Variants in CTDP1 observed in about 807,000 individuals in gnomAD.
The protein encoded by CTDP1 is RNA polymerase II subunit A C-terminal domain phosphatase.
Under a neutral mutation model 91.8 loss-of-function variants are expected in CTDP1, and 47 were observed. The observed-to-expected ratio is 0.51, with a 90% confidence interval of 0.41 to 0.65. The LOEUF is 0.65. CTDP1 is among the 30% of genes least tolerant of loss of function. The pLI, the probability that CTDP1 is intolerant of heterozygous loss-of-function variation, is 0.00. For synonymous variants in CTDP1, 656 were observed against 598.5 expected (o/e 1.10, Z -1.40); for missense variants, 1,272 against 1,373.7 (o/e 0.93, Z 1.17).
Position 79,714,871 on chromosome 18 carries a change from TCCTCCG to T in CTDP1, c.1416_1421del (p.Ala473_Ser474del). ...TGAGTCCGAGGGCACGAAGTCCTCC[TCCTCCG>T]CCTCTGATGGCGAAAGCGAGGGGAA... is the stretch of plus-strand genomic sequence containing the variant. On this transcript the variant is annotated inframe_deletion, in exon 8 of 13. Transcript: ENST00000613122. The T allele has an allele frequency of 6.3e-7, 1 of 1,582,646 alleles. No individual in the cohort carries two copies. The highest frequency in any genetic ancestry group is 1.3e-5 in the African/African-American group (1 of 74,776).
intron 4 of CTDP1, among the ~76,000 whole-genome samples, chr18:79,700,203 A>C (rs545235396): frequency 1.3e-5 from 2 of 152,194 alleles, no homozygotes; most frequent in African/African-American, 4.8e-5. Context: ...TGAGTGTTCA[A>C]GTGGGAGGAA....
intron 12 of CTDP1, chr18:79,749,804 G>A (rs1035792575): frequency 2.0e-5 from 3 of 152,284 alleles, no homozygotes; most frequent in African/African-American, 7.2e-5. Context: ...ACGGAGTGAG[G>A]TGGAGGAAGC....
Position 79,714,569 on chromosome 18 carries a change from G to C in CTDP1, c.1109G>C (p.Gly370Ala). 1 of 1,613,142 alleles carries C rather than the reference G, an allele frequency of 6.2e-7. No individual in the cohort carries two copies. The highest frequency in any genetic ancestry group is 1.1e-5 in the South Asian group (1 of 91,088). Residue 370 changes from glycine to alanine, a missense_variant, in exon 8 of 13, where the codon GGA (glycine) becomes GCA (alanine). Transcript: ENST00000613122. Reference sequence around the variant, plus strand: ...CCTGAGGGGGTAACGCAGGCCCCTGGAGTGGAGCCCAGCAATGGCCTGGAG... The same window carrying C: ...CCTGAGGGGGTAACGCAGGCCCCTGCAGTGGAGCCCAGCAATGGCCTGGAG... ...RDPEGVTQAP[G>A]VEPSNGLEKP...
chr18:79,734,619 C>G (rs562611617), intron 11 of CTDP1, among the ~76,000 whole-genome samples: 5 of 152,078 alleles, frequency 3.3e-5, no homozygotes, highest in African/African-American at 9.7e-5. Flanking sequence ...CGTGGGCTGC[C>G]GTGCTGGCCG....
At chr18:79,714,344 C>G in intron 7 of CTDP1, 147 bp from the exon 8 acceptor site, 1 of 867,544 alleles carries the variant, frequency 1.2e-6, no homozygotes, top group Non-Finnish European at 1.9e-6. Flanking sequence ...CTCACCCTGT[C>G]CGGCCTCTTC....
At chr18:79,734,739 T>C (rs1324170348) in intron 11 of CTDP1, among the ~76,000 whole-genome samples, 1 of 152,248 alleles carries the variant, frequency 6.6e-6, no homozygotes, top group Non-Finnish European at 1.5e-5. Context: ...TATTTCAGAA[T>C]AGAATTTAGT....
At chr18:79,723,948 C>T (rs1162440797) in intron 10 of CTDP1, among the ~76,000 whole-genome samples, 3 of 152,214 alleles carry the variant, frequency 2.0e-5, no homozygotes, top group Admixed American at 1.3e-4. Context: ...CTTGCGGAGC[C>T]GGGTCTCATG....
At chr18:79,686,143 A>G (rs568542026) in intron 1 of CTDP1, among the ~76,000 whole-genome samples, 264 of 152,312 alleles carry the variant, frequency 1.7e-3, no homozygotes, top group Admixed American at 2.9e-3. Flanking sequence ...TCTCCGATCT[A>G]ATCTTTTAGA....
chr18:79,742,181 T>TGAGAGAGA (rs35935192), intron 12 of CTDP1, among the ~76,000 whole-genome samples: 1 of 99,878 alleles, frequency 1.0e-5, no homozygotes, highest in Non-Finnish European at 2.2e-5. Flanking sequence ...GCATGAAGCA[T>TGAGAGAGA]GAGAGAGAGA....
intron 12 of CTDP1, among the ~76,000 whole-genome samples, chr18:79,750,619 G>A (rs548162019): frequency 2.0e-5 from 3 of 148,232 alleles, no homozygotes; most frequent in East Asian, 2.0e-4. Flanking sequence ...CCGGCTTCCC[G>A]AGTAGCTGGG....
intron 12 of CTDP1, 151 bp from the exon 13 acceptor site, chr18:79,753,501 C>T (rs1290697350): frequency 1.7e-6 from 2 of 1,211,300 alleles, no homozygotes; most frequent in Non-Finnish European, 2.4e-6. Flanking sequence ...GTGACGTGGC[C>T]CTGGGTCGGT....
chr18:79,716,089 C>T (rs1409852705), intron 8 of CTDP1, among the ~76,000 whole-genome samples: 1 of 152,214 alleles, frequency 6.6e-6, no homozygotes, highest in Non-Finnish European at 1.5e-5. Context: ...GAAGACTTAA[C>T]ACCCCGGTGC....
intron 1 of CTDP1, among the ~76,000 whole-genome samples, chr18:79,686,363 C>T (rs1431068517): frequency 6.6e-6 from 1 of 152,102 alleles, no homozygotes; most frequent in Non-Finnish European, 1.5e-5. Context: ...AAACGGAAAA[C>T]AAGCGATGTA....
rs1403055370 is a variant in CTDP1 at position 79,717,906 on chromosome 18, C to T, written c.2307C>T (p.Pro769=). The T allele has an allele frequency of 3.1e-6, 5 of 1,613,622 alleles. No individual in the cohort carries two copies. Among genetic ancestry groups the T allele is most frequent in the African/African-American group, 1.3e-5 (1 of 75,060 alleles). Residue 769 remains proline, a synonymous_variant, in exon 10 of 13, where the codon CCC becomes CCT. Coordinates refer to ENST00000613122, the MANE Select transcript of CTDP1 (RefSeq NM_004715.5). The stretch of plus-strand genomic sequence containing the variant: ...TTCTTCCCAAGGCCCAGCCTGGCCC[C>T]GAGGTTCGGATCTACGACTCCAACA... The part of the protein sequence containing the change: ...MPVLPKAQPG[P]EVRIYDSNTG...
chr18:79,689,365 C>T (rs2085573034), intron 1 of CTDP1, among the ~76,000 whole-genome samples: 2 of 152,336 alleles, frequency 1.3e-5, no homozygotes, highest in South Asian at 4.1e-4. Flanking sequence ...TTGCACCAAG[C>T]TGACCCACAT....
At chr18:79,741,927 A>G (rs1404573459) in intron 12 of CTDP1, among the ~76,000 whole-genome samples, 1 of 152,252 alleles carries the variant, frequency 6.6e-6, no homozygotes, top group Non-Finnish European at 1.5e-5. Flanking sequence ...AAACTCCCCA[A>G]ATGTAATGGA....
chr18:79,734,407 C>G (rs562485449), intron 11 of CTDP1, among the ~76,000 whole-genome samples: 5 of 152,254 alleles, frequency 3.3e-5, no homozygotes, highest in African/African-American at 1.2e-4. Context: ...GAGAGGAGAT[C>G]GGAGGAGCAT....
At chr18:79,700,995 A>G (rs1400968776) in intron 4 of CTDP1, among the ~76,000 whole-genome samples, 1 of 152,202 alleles carries the variant, frequency 6.6e-6, no homozygotes, top group African/African-American at 2.4e-5. Flanking sequence ...TGTTCACAGC[A>G]TGGTTTACTG....
chr18:79,711,009 C>G (rs2086072496), intron 6 of CTDP1, among the ~76,000 whole-genome samples: 1 of 152,150 alleles, frequency 6.6e-6, no homozygotes, highest in African/African-American at 2.4e-5. Context: ...AATCCAGGCT[C>G]TGCCCCATCC....
Sources: allele counts gnomAD v4.1 joint callset (sites outside exome capture counted in the v4.1 genomes callset), GRCh38; gene constraint gnomAD v4.1.1; transcripts MANE v1.5; gene names NCBI Gene and HGNC (gene_info 2026-07-23, HGNC 2026-07-21).